LPAR1: variants seen among roughly 807,000 people sequenced by gnomAD.
The protein encoded by LPAR1 is LPA receptor 1.
A neutral mutation model predicts 23.8 loss-of-function variants in LPAR1; 5 were observed. The observed-to-expected ratio is 0.21, with a 90% CI of 0.11 to 0.44. The LOEUF is 0.44. Among genes scored for constraint, LPAR1 ranks in the 20% least tolerant of loss-of-function variants. The pLI, the probability that LPAR1 is intolerant of heterozygous loss-of-function variation, is 0.99. For synonymous variants in LPAR1, 160 were observed against 164.7 expected, an observed-to-expected ratio of 0.97 and a Z score of 0.22; for missense variants, 311 against 482.8, an observed-to-expected ratio of 0.64 and a Z score of 3.33.
At chr9:110,931,003 T>G (rs1334260058) in intron 5 of LPAR1, among the ~76,000 whole-genome samples, 1 of 152,220 alleles carries the variant, frequency 6.6e-6, no homozygotes, top group Non-Finnish European at 1.5e-5. Context: ...TCTGGAAGCT[T>G]CCCTTTCCAC....
At chr9:111,019,433 T>C (rs1168428521) in intron 2 of LPAR1, among the ~76,000 whole-genome samples, 1 of 152,180 alleles carries the variant, frequency 6.6e-6, no homozygotes, top group African/African-American at 2.4e-5. Context: ...CACTGAGTCA[T>C]TCTGCCACTA....
intron 5 of LPAR1, among the ~76,000 whole-genome samples, chr9:110,911,938 G>A (rs1718613991): frequency 6.6e-6 from 1 of 152,206 alleles, no homozygotes; most frequent in South Asian, 2.1e-4. Context: ...AAAGGGCTGG[G>A]TGATTGTTTT....
intron 2 of LPAR1, among the ~76,000 whole-genome samples, chr9:111,007,296 T>C (rs758331684): frequency 6.6e-6 from 1 of 152,202 alleles, no homozygotes; most frequent in African/African-American, 2.4e-5. Flanking sequence ...CCTAATGCAC[T>C]ACCTAAACAT....
chr9:110,951,601 T>C (rs1459565641), intron 4 of LPAR1, among the ~76,000 whole-genome samples: 1 of 152,172 alleles, frequency 6.6e-6, no homozygotes, highest in African/African-American at 2.4e-5. Context: ...TTTATTTCCA[T>C]CAGGTTGGCA....
Position 111,035,215 on chromosome 9 carries a change from T to G in LPAR1, c.-182+907A>C, listed in dbSNP as rs184947158. Among the ~76,000 whole-genome samples, 106 of 145,712 alleles carry G rather than the reference T, an allele frequency of 7.3e-4. 2 individuals are homozygous for G. The East Asian group carries it at 0.018, about 25-fold the overall frequency. On this transcript the variant is annotated intron_variant, in intron 2 of 5. Coordinates refer to ENST00000683809, the MANE Select transcript of LPAR1 (RefSeq NM_001351411.2). ...TCTCAACTTTCTAAGACATCCATAA[T>G]AGTTTTCCCTAAGATTTTTTTTTTT...
chr9:110,897,194 T>C (rs2086709944), intron 5 of LPAR1, among the ~76,000 whole-genome samples: 1 of 152,194 alleles, frequency 6.6e-6, no homozygotes, highest in Non-Finnish European at 1.5e-5. Flanking sequence ...TTCCCATGTG[T>C]TGCGGAAGGG....
At chr9:110,910,737 C>A (rs2134349044) in intron 5 of LPAR1, among the ~76,000 whole-genome samples, 1 of 152,286 alleles carries the variant, frequency 6.6e-6, no homozygotes, top group Non-Finnish European at 1.5e-5. Flanking sequence ...ATAAGAAGTT[C>A]ATTCCAACCC....
intron 2 of LPAR1, among the ~76,000 whole-genome samples, chr9:111,016,588 C>G (rs972034176): frequency 6.6e-6 from 1 of 152,226 alleles, no homozygotes; most frequent in Non-Finnish European, 1.5e-5. Context: ...ATGCTACTCT[C>G]AGTCAAGTCA....
chr9:110,888,757 G>T (rs1442178106), intron 5 of LPAR1, among the ~76,000 whole-genome samples: 1 of 152,186 alleles, frequency 6.6e-6, no homozygotes, highest in African/African-American at 2.4e-5. Flanking sequence ...GATAATGGTG[G>T]CTTTGAATAT....
chr9:110,913,517 A>G (rs2092708500), intron 5 of LPAR1, among the ~76,000 whole-genome samples: 3 of 149,030 alleles, frequency 2.0e-5, no homozygotes, highest in African/African-American at 5.2e-5. Flanking sequence ...ATATATGTAT[A>G]TGTACACACA....
chr9:110,884,306 C>CT (rs2081745124), intron 5 of LPAR1, among the ~76,000 whole-genome samples: 1 of 152,160 alleles, frequency 6.6e-6, no homozygotes, highest in Non-Finnish European at 1.5e-5. Context: ...CTTTACTTAC[C>CT]GCTACTTCTG....
At chr9:110,901,845 G>T (rs2089196846) in intron 5 of LPAR1, among the ~76,000 whole-genome samples, 1 of 152,148 alleles carries the variant, frequency 6.6e-6, no homozygotes, top group African/African-American at 2.4e-5. Flanking sequence ...CTGAAACAAA[G>T]CCACTAACTA....
intron 2 of LPAR1, among the ~76,000 whole-genome samples, chr9:110,984,248 C>T (rs1697879929): frequency 6.6e-6 from 1 of 151,938 alleles, no homozygotes; most frequent in Admixed American, 6.6e-5. Context: ...ACCCACCTTC[C>T]TAGCCCCTCG....
chr9:110,886,657 C>T (rs566676665), intron 5 of LPAR1, among the ~76,000 whole-genome samples: 2 of 152,202 alleles, frequency 1.3e-5, no homozygotes, highest in Admixed American at 1.3e-4. Context: ...ACATAATGTG[C>T]ACTATGAGAC....
chr9:110,916,853 A>G (rs1588303981), intron 5 of LPAR1, among the ~76,000 whole-genome samples: 1 of 152,212 alleles, frequency 6.6e-6, no homozygotes, highest in South Asian at 2.1e-4. Context: ...AATAACTGTA[A>G]CAATATGCAT....
intron 2 of LPAR1, among the ~76,000 whole-genome samples, chr9:111,011,814 T>A (rs1333281763): frequency 6.6e-6 from 1 of 152,200 alleles, no homozygotes; most frequent in African/African-American, 2.4e-5. Flanking sequence ...AAACAAAATG[T>A]CTACAGTTTG....
chr9:111,006,763 T>C (rs12346658), intron 2 of LPAR1, among the ~76,000 whole-genome samples: 2,139 of 152,208 alleles, frequency 0.014, 42 homozygotes, highest in African/African-American at 0.048. Flanking sequence ...AGTAGAATGT[T>C]TATATAGTCA....
At chr9:111,004,489 A>G (rs1291262236) in intron 2 of LPAR1, among the ~76,000 whole-genome samples, 4 of 151,938 alleles carry the variant, frequency 2.6e-5, no homozygotes, top group Non-Finnish European at 5.9e-5. Flanking sequence ...CTCCACCCCA[A>G]CTCAAAACCT....
intron 5 of LPAR1, among the ~76,000 whole-genome samples, chr9:110,920,347 A>T (rs1294568913): frequency 6.6e-6 from 1 of 152,242 alleles, no homozygotes; most frequent in African/African-American, 2.4e-5. Flanking sequence ...TGAGTGATGA[A>T]TACAATGCTT....
Sources: allele counts gnomAD v4.1 joint callset (sites outside exome capture counted in the v4.1 genomes callset), GRCh38; gene constraint gnomAD v4.1.1; transcripts MANE v1.5; gene names NCBI Gene and HGNC (gene_info 2026-07-23, HGNC 2026-07-21).